REEP1: variants seen among roughly 807,000 people sequenced by gnomAD.
The protein encoded by REEP1 is receptor accessory protein 1.
REEP1 carries 22 observed loss-of-function variants against 40.3 expected under a neutral mutation model. That is an observed-to-expected ratio of 0.55 (90% CI 0.39 to 0.78). The LOEUF is 0.78. REEP1 is among the 30% of genes least tolerant of loss of function. The pLI is 0.00. For synonymous variants in REEP1, 116 were observed against 139.2 expected (o/e 0.83, Z 1.17); for missense variants, 280 against 361.1 (o/e 0.78, Z 1.82).
intron 4 of REEP1, among the ~76,000 whole-genome samples, chr2:86,253,997 G>A (rs1676417000): frequency 6.6e-6 from 1 of 152,176 alleles, no homozygotes; most frequent in African/African-American, 2.4e-5. Context: ...AGGAATGGTA[G>A]TGCTCACTGC....
chr2:86,281,038 C>T (rs1048883796), intron 2 of REEP1, among the ~76,000 whole-genome samples: 5 of 152,212 alleles, frequency 3.3e-5, no homozygotes, highest in Non-Finnish European at 7.3e-5. Context: ...AGCACTGCAT[C>T]ATTCAAATGT....
chr2:86,246,753 G>A (rs1675980194), intron 5 of REEP1, among the ~76,000 whole-genome samples: 1 of 147,354 alleles, frequency 6.8e-6, no homozygotes, highest in Admixed American at 6.9e-5. Context: ...CCAGGCTGAA[G>A]TGCAATGGTG....
intron 7 of REEP1, among the ~76,000 whole-genome samples, chr2:86,221,573 G>A (rs1402345211): frequency 2.6e-5 from 4 of 151,974 alleles, no homozygotes; most frequent in Admixed American, 1.3e-4. Context: ...TCTGAGACCC[G>A]ACAGTGCTTG....
chr2:86,280,586 C>T (rs1050432793), intron 2 of REEP1, among the ~76,000 whole-genome samples: 1 of 152,184 alleles, frequency 6.6e-6, no homozygotes, highest in Non-Finnish European at 1.5e-5. Context: ...TAATGCTTTG[C>T]CCTGTGCCAA....
chr2:86,280,843 T>A (rs1314937783), intron 2 of REEP1, among the ~76,000 whole-genome samples: 8 of 152,106 alleles, frequency 5.3e-5, no homozygotes, highest in African/African-American at 1.9e-4. Context: ...GGTTTCATCA[T>A]AAAGACTTCT....
intron 1 of REEP1, among the ~76,000 whole-genome samples, chr2:86,303,501 G>A (rs1191330123): frequency 6.6e-6 from 1 of 151,230 alleles, no homozygotes; most frequent in Admixed American, 6.6e-5. Flanking sequence ...TTACAGACAT[G>A]AGCCACCACG....
intron 7 of REEP1, among the ~76,000 whole-genome samples, chr2:86,226,093 C>CCACCACCACCAA (rs1674671931): frequency 7.0e-6 from 1 of 143,208 alleles, no homozygotes; most frequent in Non-Finnish European, 1.5e-5. Context: ...ACCACCACCA[C>CCACCACCACCAA]CACCACCACC....
intron 1 of REEP1, among the ~76,000 whole-genome samples, chr2:86,301,415 C>T (rs569775749): frequency 8.5e-5 from 13 of 152,330 alleles, no homozygotes; most frequent in South Asian, 2.1e-4. Flanking sequence ...ATTTCTACCA[C>T]GTATTAGCTT....
intron 1 of REEP1, among the ~76,000 whole-genome samples, chr2:86,294,243 T>G (rs1287054076): frequency 6.6e-6 from 1 of 152,244 alleles, no homozygotes; most frequent in Non-Finnish European, 1.5e-5. Context: ...GCAATAAATA[T>G]ACACTACTGA....
intron 6 of REEP1, among the ~76,000 whole-genome samples, chr2:86,229,965 G>A (rs1674919321): frequency 6.6e-6 from 1 of 152,192 alleles, no homozygotes; most frequent in Non-Finnish European, 1.5e-5. Flanking sequence ...CAGCTGGAAA[G>A]AGCACTACAC....
chr2:86,331,546 T>C (rs1434061047), intron 1 of REEP1, among the ~76,000 whole-genome samples: 3 of 149,222 alleles, frequency 2.0e-5, no homozygotes, highest in African/African-American at 7.4e-5. Flanking sequence ...GGGCGGGGAA[T>C]GTAGTATAGA....
In REEP1 at chr2:86,281,354, G is replaced by A. The variant is rs549512821; in HGVS notation, c.105+816C>T. On this transcript the variant is annotated intron_variant, in intron 2 of 8. Transcript: ENST00000538924. ...GCTACAGGAAACAGATATAGGGGCCGGGCACTGTGGCACGCCTATAATCCC... is the reference window on the plus strand; with the variant it reads ...GCTACAGGAAACAGATATAGGGGCCAGGCACTGTGGCACGCCTATAATCCC... Among the ~76,000 whole-genome samples the A allele has an allele frequency of 9.9e-5, 15 of 152,276 alleles. 1 individual carries two copies. Among genetic ancestry groups the A allele is most frequent in the African/African-American group, 3.4e-4 (14 of 41,558 alleles).
intron 1 of REEP1, among the ~76,000 whole-genome samples, chr2:86,312,434 A>G (rs6734695): frequency 0.87 from 132,899 of 152,206 alleles, 58,412 homozygotes; most frequent in East Asian, 0.95. Flanking sequence ...GCCCTGCACT[A>G]TAAATGATCC....
chr2:86,270,918 C>G (rs1677409153), intron 2 of REEP1, among the ~76,000 whole-genome samples: 1 of 151,730 alleles, frequency 6.6e-6, no homozygotes, highest in South Asian at 2.1e-4. Context: ...AAAAAAATAA[C>G]AAACCCTGAT....
chr2:86,254,917 A>C, intron 3 of REEP1, 103 bp from the exon 4 acceptor site: 1 of 1,311,258 alleles, frequency 7.6e-7, no homozygotes, highest in Non-Finnish European at 1.1e-6. Flanking sequence ...TCCTGCTTGC[A>C]TGTGGCTGCA....
chr2:86,321,159 C>T (rs1423894838), intron 1 of REEP1, among the ~76,000 whole-genome samples: 1 of 152,094 alleles, frequency 6.6e-6, no homozygotes, highest in Non-Finnish European at 1.5e-5. Context: ...GAACATCTAA[C>T]ACATGTCTAA....
chr2:86,230,675 C>T (rs1469007899), intron 6 of REEP1, among the ~76,000 whole-genome samples: 1 of 152,202 alleles, frequency 6.6e-6, no homozygotes, highest in South Asian at 2.1e-4. Flanking sequence ...TATGCACTGG[C>T]GCCAGGCATG....
intron 1 of REEP1, among the ~76,000 whole-genome samples, chr2:86,287,649 T>C (rs981069056): frequency 6.6e-6 from 1 of 152,250 alleles, no homozygotes; most frequent in Admixed American, 6.5e-5. Flanking sequence ...AACAGAAGAA[T>C]GCTCCTTGGT....
intron 2 of REEP1, among the ~76,000 whole-genome samples, chr2:86,268,019 T>A (rs1574059052): frequency 6.6e-6 from 1 of 152,032 alleles, no homozygotes; most frequent in African/African-American, 2.4e-5. Context: ...AAGAACATAT[T>A]TTTTTTAAAA....
Sources: gnomAD v4.1 joint callset for allele counts (sites outside exome capture counted in the v4.1 genomes callset) on GRCh38, gnomAD v4.1.1 for gene constraint, MANE v1.5 for transcripts, NCBI Gene and HGNC (gene_info 2026-07-23, HGNC 2026-07-21) for gene names.